The following SORCS1 variants were observed in gnomAD, a reference collection of about 807,000 sequenced individuals.
The protein encoded by SORCS1 is VPS10 domain-containing receptor SorCS1.
In SORCS1, 60 loss-of-function variants were observed where a neutral mutation model predicts 146.1. The observed-to-expected ratio is 0.41, with a 90% confidence interval of 0.33 to 0.51. SORCS1 has a LOEUF of 0.51. Ranked by LOEUF, SORCS1 falls within the 20% of genes least tolerant of loss-of-function variation. The pLI is 0.21. For missense variants in SORCS1, 1,352 were observed against 1,487.6 expected (o/e 0.91, Z 1.50); for synonymous variants, 637 against 584.0 (o/e 1.09, Z -1.31).
At chr10:106,694,971 C>T (rs1384471185) in intron 9 of SORCS1, among the ~76,000 whole-genome samples, 2 of 152,168 alleles carry the variant, frequency 1.3e-5, no homozygotes, top group Non-Finnish European at 2.9e-5. Context: ...ACCTGTCAGG[C>T]TCCCTCTCAT....
intron 1 of SORCS1, among the ~76,000 whole-genome samples, chr10:106,986,156 ATGAGT>A (rs879491107): frequency 7.2e-5 from 11 of 152,326 alleles, no homozygotes; most frequent in Non-Finnish European, 1.2e-4. Flanking sequence ...TCTATCTTAA[ATGAGT>A]TAAGTTTTTT....
intron 8 of SORCS1, among the ~76,000 whole-genome samples, chr10:106,701,272 C>G (rs544095299): frequency 2.0e-5 from 3 of 152,158 alleles, no homozygotes; most frequent in African/African-American, 7.2e-5. Flanking sequence ...ACAGCCTCAT[C>G]CCTCTCAGAT....
At chr10:106,925,741 T>C (rs781740117) in intron 2 of SORCS1, among the ~76,000 whole-genome samples, 1 of 152,236 alleles carries the variant, frequency 6.6e-6, no homozygotes, top group Non-Finnish European at 1.5e-5. Context: ...GATGAAATTG[T>C]ACCTTCCCAG....
At chr10:106,817,051 G>A (rs1225895587) in intron 3 of SORCS1, among the ~76,000 whole-genome samples, 5 of 152,158 alleles carry the variant, frequency 3.3e-5, no homozygotes, top group African/African-American at 9.7e-5. Flanking sequence ...AAATCAGTTC[G>A]TTAAATAATG....
chr10:106,869,418 G>A (rs559213705), intron 2 of SORCS1, among the ~76,000 whole-genome samples: 55 of 152,196 alleles, frequency 3.6e-4, no homozygotes, highest in African/African-American at 8.9e-4. Flanking sequence ...CAATATCTTC[G>A]ATGAATATCA....
At chr10:107,126,097 CTT>C (rs1227291361) in intron 1 of SORCS1, among the ~76,000 whole-genome samples, 1 of 152,102 alleles carries the variant, frequency 6.6e-6, no homozygotes, top group Non-Finnish European at 1.5e-5. Flanking sequence ...GACCTTGGCC[CTT>C]TTCTTTCCTT....
chr10:106,699,767 G>C (rs1401174093), intron 8 of SORCS1, among the ~76,000 whole-genome samples: 1 of 152,118 alleles, frequency 6.6e-6, no homozygotes, highest in East Asian at 1.9e-4. Context: ...GTAGATATGA[G>C]GAAAAGCTGG....
intron 1 of SORCS1, among the ~76,000 whole-genome samples, chr10:107,112,384 T>C (rs1965756679): frequency 6.6e-6 from 1 of 151,966 alleles, no homozygotes; most frequent in African/African-American, 2.4e-5. Context: ...AAGAAATCTC[T>C]AGTAGATACA....
At chr10:106,774,512 A>T (rs370253465) in intron 4 of SORCS1, among the ~76,000 whole-genome samples, 1 of 151,776 alleles carries the variant, frequency 6.6e-6, no homozygotes, top group Non-Finnish European at 1.5e-5. Flanking sequence ...AAAAATTTGC[A>T]ATTTTGTAAA....
chr10:107,004,163 G>A (rs912248867), intron 1 of SORCS1, among the ~76,000 whole-genome samples: 27 of 116,400 alleles, frequency 2.3e-4, no homozygotes, highest in Non-Finnish European at 3.9e-4. Flanking sequence ...GCGACAGAGT[G>A]TGATCCCATC....
At chr10:106,706,747 T>C (rs1854563114) in intron 7 of SORCS1, 113 bp from the exon 8 acceptor site, 4 of 912,970 alleles carry the variant, frequency 4.4e-6, no homozygotes, top group Non-Finnish European at 7.0e-6. Flanking sequence ...ATGGCATTAA[T>C]GTCTATTGCG....
At chr10:106,692,273 C>T (rs945572063) in intron 9 of SORCS1, among the ~76,000 whole-genome samples, 4 of 152,096 alleles carry the variant, frequency 2.6e-5, no homozygotes, top group African/African-American at 9.7e-5. Flanking sequence ...TGTCACATTG[C>T]CCAGGCTGGT....
At chr10:107,003,179 T>C (rs1957286598) in intron 1 of SORCS1, among the ~76,000 whole-genome samples, 1 of 151,744 alleles carries the variant, frequency 6.6e-6, no homozygotes, top group South Asian at 2.1e-4. Context: ...CGCCTGAACC[T>C]GGGAGGTAGA....
At chr10:107,127,112 T>C (rs908307306) in intron 1 of SORCS1, among the ~76,000 whole-genome samples, 10 of 136,992 alleles carry the variant, frequency 7.3e-5, no homozygotes, top group African/African-American at 2.2e-4. Context: ...GATATGTAAT[T>C]GCATAAAACA....
intron 5 of SORCS1, among the ~76,000 whole-genome samples, chr10:106,744,600 A>G (rs1176713063): frequency 6.6e-6 from 1 of 152,212 alleles, no homozygotes; most frequent in East Asian, 1.9e-4. Flanking sequence ...CCTTATGACT[A>G]TACCATATTT....
At chr10:107,017,290 T>C (rs1957938195) in intron 1 of SORCS1, among the ~76,000 whole-genome samples, 1 of 152,206 alleles carries the variant, frequency 6.6e-6, no homozygotes, top group Non-Finnish European at 1.5e-5. Context: ...CTCTGGAATA[T>C]TTATACAATA....
At chr10:106,845,008 T>C (rs1949258004) in intron 2 of SORCS1, among the ~76,000 whole-genome samples, 1 of 135,924 alleles carries the variant, frequency 7.4e-6, no homozygotes, top group Admixed American at 7.5e-5. Context: ...TGGTTCCAAG[T>C]CTTTGCTATT....
At chr10:106,804,352 A>G (rs910543102) in intron 3 of SORCS1, among the ~76,000 whole-genome samples, 94 of 128,090 alleles carry the variant, frequency 7.3e-4, no homozygotes, top group South Asian at 2.6e-3. Flanking sequence ...ATAAAATAAA[A>G]TAAAATAAAA....
chr10:106,935,502 T>C (rs1953668290), intron 2 of SORCS1, among the ~76,000 whole-genome samples: 1 of 152,182 alleles, frequency 6.6e-6, no homozygotes, highest in Non-Finnish European at 1.5e-5. Flanking sequence ...TGGATACATT[T>C]TTTAAAAAAA....
Sources: gnomAD v4.1 joint callset for allele counts (sites outside exome capture counted in the v4.1 genomes callset) on GRCh38, gnomAD v4.1.1 for gene constraint, MANE v1.5 for transcripts, NCBI Gene and HGNC (gene_info 2026-07-23, HGNC 2026-07-21) for gene names.